Variants in ERC2 observed in about 807,000 individuals in gnomAD.
ERC2 encodes the protein ELKS/RAB6-interacting/CAST family member 2.
ERC2 carries 42 observed loss-of-function variants against 114.8 expected under a neutral mutation model. The observed-to-expected ratio is 0.37, with a 90% CI of 0.29 to 0.47. The LOEUF (loss-of-function observed/expected upper bound fraction) is 0.47. ERC2 is among the 20% of genes least tolerant of loss of function. The pLI is 0.99. For missense variants in ERC2, 939 were observed against 1,150.7 expected (o/e 0.82, Z 2.66); for synonymous variants, 454 against 425.5 (o/e 1.07, Z -0.82).
At chr3:56,256,843 C>T (rs542146221) in intron 3 of ERC2, among the ~76,000 whole-genome samples, 83 of 152,248 alleles carry the variant, frequency 5.5e-4, no homozygotes, top group Admixed American at 3.9e-3. Flanking sequence ...GAATAAGGTG[C>T]CTGCTTCCCC....
intron 14 of ERC2, among the ~76,000 whole-genome samples, chr3:55,824,129 A>G (rs2060234398): frequency 6.6e-6 from 1 of 152,136 alleles, no homozygotes; most frequent in African/African-American, 2.4e-5. Context: ...GAACAAGCTA[A>G]TTTTAACTTA....
At chr3:56,336,754 G>A (rs1283548319) in intron 2 of ERC2, among the ~76,000 whole-genome samples, 3 of 152,128 alleles carry the variant, frequency 2.0e-5, no homozygotes, top group South Asian at 2.1e-4. Flanking sequence ...CCAAGATCAC[G>A]CCACTGCACT....
intron 6 of ERC2, among the ~76,000 whole-genome samples, chr3:56,092,793 AC>A (rs1184604003): frequency 1.3e-5 from 2 of 152,182 alleles, no homozygotes; most frequent in African/African-American, 4.8e-5. Context: ...ACGGAAAAAA[AC>A]AAGTTTAAGA....
chr3:56,257,848 A>AG (rs1576124340), intron 3 of ERC2, among the ~76,000 whole-genome samples: 3 of 152,316 alleles, frequency 2.0e-5, no homozygotes. Flanking sequence ...TGGCTTAAAA[A>AG]TTCTCATCAA....
intron 3 of ERC2, among the ~76,000 whole-genome samples, chr3:56,181,198 A>G (rs1168935877): frequency 6.6e-6 from 1 of 152,222 alleles, no homozygotes; most frequent in Non-Finnish European, 1.5e-5. Flanking sequence ...TGGAGAATCA[A>G]ATGTGTTTTA....
chr3:55,714,851 A>T lies in ERC2; in HGVS notation c.2713-15339T>A, dbSNP rs1158714927. Among the ~76,000 whole-genome samples the T allele has an allele frequency of 2.1e-4, 6 of 28,230 alleles. No homozygotes were observed. In the South Asian group the frequency reaches 7.1e-3, roughly 33 times the overall value. 18.5% of individuals were successfully genotyped at this position (28,230 alleles called of 152,430 possible). On this transcript the variant is annotated intron_variant, in intron 15 of 17. Transcript: ENST00000288221. ...AGGTACAAGAAATAATAAAACAATA[A>T]AAAAAAAAAGGTTTCTCTGCTCCCT...
chr3:55,639,732 A>G (rs915203974), intron 17 of ERC2, among the ~76,000 whole-genome samples: 1 of 152,092 alleles, frequency 6.6e-6, no homozygotes. Flanking sequence ...AATTCAATCT[A>G]CTTGCCTGAA....
intron 2 of ERC2, among the ~76,000 whole-genome samples, chr3:56,384,044 G>A (rs1396063444): frequency 6.6e-6 from 1 of 151,970 alleles, no homozygotes; most frequent in Non-Finnish European, 1.5e-5. Flanking sequence ...CTTTTTATAA[G>A]ACTTTATATA....
intron 3 of ERC2, among the ~76,000 whole-genome samples, chr3:56,246,184 T>C (rs1241130897): frequency 6.6e-6 from 1 of 152,076 alleles, no homozygotes; most frequent in African/African-American, 2.4e-5. Context: ...TCTTGGCTAA[T>C]TTATCTTGAC....
intron 3 of ERC2, among the ~76,000 whole-genome samples, chr3:56,286,889 T>C (rs1466961140): frequency 6.6e-6 from 1 of 152,242 alleles, no homozygotes; most frequent in Non-Finnish European, 1.5e-5. Flanking sequence ...CACCTTTCTT[T>C]TTCCTTTTTC....
At chr3:56,140,193 G>A (rs1486419132) in intron 5 of ERC2, among the ~76,000 whole-genome samples, 1 of 152,016 alleles carries the variant, frequency 6.6e-6, no homozygotes, top group African/African-American at 2.4e-5. Flanking sequence ...AAATATACGT[G>A]AGGTATGAGG....
In ERC2 at chr3:55,509,125, G is replaced by A. The variant is rs868520229; in HGVS notation, c.*2191C>T. 3 of 152,634 alleles carry A rather than the reference G, an allele frequency of 2.0e-5. No homozygotes were observed. The highest frequency in any genetic ancestry group is 4.1e-4 in the South Asian group (2 of 4,830). The allele number at this position is 152,634 out of a possible 1,614,324, so 9.5% of individuals were successfully genotyped here. A position where few individuals can be genotyped will look rare whatever the true frequency, so the allele number is the denominator to read the frequency against. On this transcript the variant is annotated 3_prime_UTR_variant, in exon 18 of 18. Transcript: ENST00000288221. ...AAATTATACGACCTCATAAAGGTAA[G>A]ATCAGTAATATTTTAACCAATGAAA...
chr3:56,224,420 G>C (rs543852154), intron 3 of ERC2, among the ~76,000 whole-genome samples: 1 of 152,190 alleles, frequency 6.6e-6, no homozygotes, highest in Non-Finnish European at 1.5e-5. Context: ...TACAGCTTGA[G>C]TGGCAGGGGT....
At chr3:55,512,817 A>G (rs746991667) in intron 17 of ERC2, among the ~76,000 whole-genome samples, 1 of 152,224 alleles carries the variant, frequency 6.6e-6, no homozygotes, top group Admixed American at 6.5e-5. Flanking sequence ...GAATTCTCAA[A>G]AAGTGTAGCC....
At chr3:55,944,955 T>G (rs993265717) in intron 13 of ERC2, among the ~76,000 whole-genome samples, 1 of 152,204 alleles carries the variant, frequency 6.6e-6, no homozygotes, top group Non-Finnish European at 1.5e-5. Context: ...CTGAAAAAAT[T>G]AGATGAGGGT....
intron 3 of ERC2, among the ~76,000 whole-genome samples, chr3:56,181,490 G>A (rs144289542): frequency 7.0e-4 from 107 of 152,282 alleles, no homozygotes; most frequent in Non-Finnish European, 5.6e-4. Flanking sequence ...AAATAGTTAC[G>A]ATCTGGCCCT....
chr3:55,779,414 T>A (rs556741674), intron 14 of ERC2, among the ~76,000 whole-genome samples: 7 of 147,994 alleles, frequency 4.7e-5, no homozygotes, highest in African/African-American at 1.7e-4. Context: ...GGCGGGAGAA[T>A]CACTTAAATC....
chr3:56,406,774 A>C (rs1472635882), intron 2 of ERC2, among the ~76,000 whole-genome samples: 1 of 152,208 alleles, frequency 6.6e-6, no homozygotes, highest in East Asian at 1.9e-4. Flanking sequence ...AATCAAACTC[A>C]ATCTCAATAA....
chr3:56,403,481 T>G (rs1365093144), intron 2 of ERC2, among the ~76,000 whole-genome samples: 2 of 152,210 alleles, frequency 1.3e-5, no homozygotes, highest in South Asian at 2.1e-4. Context: ...ATATAGAATA[T>G]TCCCATCCCT....
Sources: allele counts gnomAD v4.1 joint callset (sites outside exome capture counted in the v4.1 genomes callset), GRCh38; gene constraint gnomAD v4.1.1; transcripts MANE v1.5; gene names NCBI Gene and HGNC (gene_info 2026-07-23, HGNC 2026-07-21).